Variants in PTPRT observed in about 807,000 individuals in gnomAD.
The protein encoded by PTPRT is receptor-type tyrosine-protein phosphatase T.
In PTPRT, 56 loss-of-function variants were observed where a neutral mutation model predicts 176.8. The observed-to-expected ratio is 0.32, with a 90% CI of 0.26 to 0.40. The LOEUF is 0.40. Ranked by LOEUF, PTPRT falls within the 10% of genes least tolerant of loss-of-function variation. The pLI is 1.00. For missense variants in PTPRT, 1,540 were observed against 1,908.2 expected (o/e 0.81, Z 3.60); for synonymous variants, 783 against 739.0 (o/e 1.06, Z -0.96).
Position 42,730,458 on chromosome 20 carries a change from G to A in PTPRT, c.859+26004C>T, listed in dbSNP as rs569091950. ...AAAGAATAGAGGGAAAATTGGACTC[G>A]AGGTAGCCAAGAGACTTTCTCATTT... is the stretch of plus-strand genomic sequence containing the variant. On this transcript the variant is annotated intron_variant, in intron 6 of 30. Coordinates refer to ENST00000373187, the MANE Select transcript of PTPRT (RefSeq NM_007050.6). 3.9e-5 allele frequency among the ~76,000 whole-genome samples: 6 copies of A among 152,288 alleles called. No homozygotes were observed. In the South Asian group the frequency reaches 1.0e-3, roughly 26 times the overall value.
intron 11 of PTPRT, among the ~76,000 whole-genome samples, chr20:42,336,742 T>C (rs923321373): frequency 1.3e-5 from 2 of 152,164 alleles, no homozygotes; most frequent in African/African-American, 2.4e-5. Flanking sequence ...TTTTCAACCA[T>C]ATGGAAATAG....
intron 14 of PTPRT, among the ~76,000 whole-genome samples, chr20:42,245,450 T>C (rs576530737): frequency 6.6e-6 from 1 of 152,260 alleles, no homozygotes; most frequent in African/African-American, 2.4e-5. Context: ...TCATATCCCT[T>C]TCTCCTTTTC....
intron 1 of PTPRT, among the ~76,000 whole-genome samples, chr20:43,054,371 C>T (rs886850659): frequency 3.3e-5 from 5 of 151,910 alleles, no homozygotes; most frequent in African/African-American, 9.7e-5. Context: ...CTGGGCAACA[C>T]GGCGAAACTT....
chr20:42,550,927 G>T (rs1331390221), intron 7 of PTPRT, among the ~76,000 whole-genome samples: 1 of 152,118 alleles, frequency 6.6e-6, no homozygotes, highest in Non-Finnish European at 1.5e-5. Context: ...AGGCTTCTTT[G>T]AAAAGATACA....
chr20:42,502,244 A>T lies in PTPRT; in HGVS notation c.1154-29682T>A, dbSNP rs369370043. Among the ~76,000 whole-genome samples the T allele has an allele frequency of 5.9e-5, 9 of 152,174 alleles. No individual in the cohort carries two copies. In the South Asian group the frequency reaches 1.9e-3, roughly 32 times the overall value. On this transcript the variant is annotated intron_variant, in intron 7 of 30. Transcript: ENST00000373187. ...AAAAGAGCACTTACAAAGTATATGT[A>T]GTGAAAAATAAAATTCACTTCTGTC...
chr20:42,512,726 T>C (rs2071981017), intron 7 of PTPRT, among the ~76,000 whole-genome samples: 1 of 152,202 alleles, frequency 6.6e-6, no homozygotes, highest in African/African-American at 2.4e-5. Flanking sequence ...CATACACTGT[T>C]CTGCATTTTA....
intron 13 of PTPRT, among the ~76,000 whole-genome samples, chr20:42,271,429 T>A (rs1032238588): frequency 3.9e-5 from 6 of 152,190 alleles, no homozygotes; most frequent in Non-Finnish European, 8.8e-5. Context: ...TGTCTTCCCA[T>A]AACACCCTCA....
At chr20:43,122,174 T>G (rs2013284725) in intron 1 of PTPRT, among the ~76,000 whole-genome samples, 1 of 152,192 alleles carries the variant, frequency 6.6e-6, no homozygotes, top group East Asian at 1.9e-4. Context: ...ATTCCCAGGA[T>G]GCCAGCCCAG....
Position 42,706,438 on chromosome 20 carries a change from G to T in PTPRT, c.860-28279C>A, listed in dbSNP as rs141920122. Among the ~76,000 whole-genome samples the T allele has an allele frequency of 2.9e-3, 446 of 151,984 alleles. 4 individuals are homozygous for T. The highest frequency in any genetic ancestry group is 0.01 in the African/African-American group (431 of 41,438). ...TTTTTTTGCTGGGCCTTGATTAGTG[G>T]ATGTACTAGGTACGTACATTTGAGC... is the stretch of plus-strand genomic sequence containing the variant. On this transcript the variant is annotated intron_variant, in intron 6 of 30. Transcript: ENST00000373187.
chr20:42,514,646 A>ACTCTTT lies in PTPRT; in HGVS notation c.1154-42085_1154-42084insAAAGAG, dbSNP rs879371632. Among the ~76,000 whole-genome samples the ACTCTTT allele has an allele frequency of 7.9e-3, 1,197 of 152,158 alleles. 11 individuals are homozygous for ACTCTTT. The highest frequency in any genetic ancestry group is 0.014 in the Middle Eastern group (4 of 294). ...TACTATTTGTATAATCTTTAAGAAG[A>ACTCTTT]CTCTACCTCACAGTCAAAAAGTATT... On this transcript the variant is annotated intron_variant, in intron 7 of 30. Transcript: ENST00000373187.
intron 1 of PTPRT, among the ~76,000 whole-genome samples, chr20:42,897,418 G>A (rs2079321562): frequency 1.3e-5 from 2 of 152,120 alleles, no homozygotes; most frequent in Non-Finnish European, 2.9e-5. Context: ...GAACTTCAAG[G>A]GAGAATAATG....
At chr20:42,802,245 C>T (rs2077541297) in intron 2 of PTPRT, among the ~76,000 whole-genome samples, 2 of 152,180 alleles carry the variant, frequency 1.3e-5, no homozygotes, top group South Asian at 2.1e-4. Flanking sequence ...TCTCTAATTC[C>T]CCAGCCCTGA....
chr20:42,954,217 C>T (rs959484029), intron 1 of PTPRT, among the ~76,000 whole-genome samples: 1 of 152,186 alleles, frequency 6.6e-6, no homozygotes, highest in African/African-American at 2.4e-5. Flanking sequence ...GTATTCCAGG[C>T]TGTTGATGTC....
chr20:42,556,933 A>G (rs1367139902), intron 7 of PTPRT, among the ~76,000 whole-genome samples: 1 of 152,126 alleles, frequency 6.6e-6, no homozygotes, highest in Non-Finnish European at 1.5e-5. Flanking sequence ...AGGGTCTGAG[A>G]CCACCACCAG....
At chr20:42,843,042 G>A (rs2078306994) in intron 2 of PTPRT, among the ~76,000 whole-genome samples, 2 of 152,134 alleles carry the variant, frequency 1.3e-5, no homozygotes, top group Admixed American at 6.5e-5. Flanking sequence ...GGCCTAGTAT[G>A]ACCTTGGATA....
intron 11 of PTPRT, among the ~76,000 whole-genome samples, chr20:42,321,821 C>T (rs1040570387): frequency 2.0e-5 from 3 of 152,118 alleles, no homozygotes; most frequent in Admixed American, 6.5e-5. Context: ...CGGTGGCTCA[C>T]GCCTGTAATC....
chr20:42,966,322 G>A (rs1982289359), intron 1 of PTPRT: 1 of 152,166 alleles, frequency 6.6e-6, no homozygotes, highest in Non-Finnish European at 1.5e-5. Context: ...CATGCCTGAT[G>A]TTTAACGAGG....
chr20:42,629,790 T>C (rs1427200153), intron 7 of PTPRT, among the ~76,000 whole-genome samples: 1 of 152,186 alleles, frequency 6.6e-6, no homozygotes, highest in Non-Finnish European at 1.5e-5. Flanking sequence ...ATAAGGGAAC[T>C]GACCTGGCAA....
At position 42,470,054 on chromosome 20, in the gene PTPRT, C is replaced by A. The variant is rs62204876; in HGVS notation, c.1450+2212G>T. 8.0e-3 allele frequency among the ~76,000 whole-genome samples: 1,218 copies of A among 152,272 alleles called. 11 individuals are homozygous for A. The highest frequency in any genetic ancestry group is 0.014 in the Middle Eastern group (4 of 294). On this transcript the variant is annotated intron_variant, in intron 8 of 30. Coordinates refer to ENST00000373187, the MANE Select transcript of PTPRT (RefSeq NM_007050.6). ...TGAAAATGAAAAAAAGAAAACATGT[C>A]CTAAACAGAATTGCCACAGTAGAGG...
Sources: gnomAD v4.1 joint callset for allele counts (sites outside exome capture counted in the v4.1 genomes callset) on GRCh38, gnomAD v4.1.1 for gene constraint, MANE v1.5 for transcripts, NCBI Gene and HGNC (gene_info 2026-07-23, HGNC 2026-07-21) for gene names.